The following CAMKMT variants were observed in gnomAD, a reference collection of about 807,000 sequenced individuals.
CAMKMT encodes CaM KMT.
A neutral mutation model predicts 48.0 loss-of-function variants in CAMKMT; 53 were observed. The observed-to-expected ratio is 1.10, with a 90% CI of 0.89 to 1.39. CAMKMT has a LOEUF of 1.39. Among genes scored for constraint, CAMKMT ranks in the 40% most tolerant of loss-of-function variants. CAMKMT has a pLI of 0.00. For synonymous variants in CAMKMT, 165 were observed against 152.3 expected, an observed-to-expected ratio of 1.08 and a Z score of -0.61; for missense variants, 428 against 402.7, an observed-to-expected ratio of 1.06 and a Z score of -0.54.
intron 3 of CAMKMT, among the ~76,000 whole-genome samples, chr2:44,480,770 A>G (rs1425741543): frequency 8.5e-6 from 1 of 117,834 alleles, no homozygotes; most frequent in East Asian, 1.9e-4. Context: ...TCAATTAGGT[A>G]CATTTGTAAA....
At chr2:44,767,572 G>C (rs376707015) in intron 10 of CAMKMT, among the ~76,000 whole-genome samples, 96 of 152,262 alleles carry the variant, frequency 6.3e-4, no homozygotes, top group East Asian at 4.4e-3. Flanking sequence ...GTTCCATTTA[G>C]CCTCTGGGGG....
intron 3 of CAMKMT, among the ~76,000 whole-genome samples, chr2:44,424,142 T>C (rs1289966960): frequency 2.6e-5 from 4 of 152,222 alleles, no homozygotes; most frequent in Non-Finnish European, 5.9e-5. Context: ...TTTGCTATTA[T>C]ATTTCCTTTC....
chr2:44,498,448 A>G (rs1669859147), intron 3 of CAMKMT, among the ~76,000 whole-genome samples: 1 of 152,232 alleles, frequency 6.6e-6, no homozygotes, highest in African/African-American at 2.4e-5. Context: ...ATCAACACAC[A>G]TATACATTCT....
At chr2:44,644,267 G>A (rs1673611557) in intron 3 of CAMKMT, among the ~76,000 whole-genome samples, 2 of 152,268 alleles carry the variant, frequency 1.3e-5, no homozygotes, top group South Asian at 4.1e-4. Context: ...GGAATTTTGT[G>A]TAAAATGTAC....
chr2:44,624,465 T>C (rs1672367349), intron 3 of CAMKMT, among the ~76,000 whole-genome samples: 1 of 152,188 alleles, frequency 6.6e-6, no homozygotes, highest in East Asian at 1.9e-4. Flanking sequence ...CTCCTAATGC[T>C]GTCCCTCCCC....
intron 3 of CAMKMT, among the ~76,000 whole-genome samples, chr2:44,478,763 C>G (rs902341754): frequency 4.0e-5 from 6 of 149,608 alleles, no homozygotes; most frequent in African/African-American, 1.5e-4. Context: ...TGCAGTGGCA[C>G]GATCTCGGCT....
intron 3 of CAMKMT, among the ~76,000 whole-genome samples, chr2:44,594,793 A>G (rs1489578829): frequency 6.6e-6 from 1 of 152,226 alleles, no homozygotes; most frequent in Admixed American, 6.5e-5. Flanking sequence ...AATGGCAACA[A>G]AATCCAAAAT....
chr2:44,491,766 C>T (rs1385550669), intron 3 of CAMKMT, among the ~76,000 whole-genome samples: 1 of 152,116 alleles, frequency 6.6e-6, no homozygotes, highest in South Asian at 2.1e-4. Context: ...CTATTGCACC[C>T]CCTTAACCAG....
intron 3 of CAMKMT, among the ~76,000 whole-genome samples, chr2:44,581,439 C>A (rs1669557131): frequency 6.6e-6 from 1 of 152,180 alleles, no homozygotes; most frequent in Admixed American, 6.5e-5. Flanking sequence ...TTATATTCTA[C>A]TGCTCTGTCT....
chr2:44,454,301 G>C (rs1667446972), intron 3 of CAMKMT, among the ~76,000 whole-genome samples: 2 of 152,094 alleles, frequency 1.3e-5, no homozygotes, highest in African/African-American at 4.8e-5. Context: ...GTTCAACGTT[G>C]TGCATTGTGT....
At chr2:44,483,222 T>A (rs1305622974) in intron 3 of CAMKMT, among the ~76,000 whole-genome samples, 3 of 152,178 alleles carry the variant, frequency 2.0e-5, no homozygotes, top group Admixed American at 1.3e-4. Flanking sequence ...AATGTGAAAT[T>A]TAGCTGCCTT....
Position 44,361,961 on chromosome 2 carries a change from G to T in CAMKMT, c.-47G>T. On this transcript the variant is annotated 5_prime_UTR_variant, in exon 1 of 11. Coordinates refer to ENST00000378494, the MANE Select transcript of CAMKMT (RefSeq NM_024766.5). The stretch of plus-strand genomic sequence containing the variant: ...AAGAAGTTGGCAGGTCCTGGCAGGG[G>T]ACGAGCTGCGGCGGTGGCACCTCCG... The T allele has an allele frequency of 2.2e-6, 3 of 1,362,330 alleles. No individual in the cohort carries two copies. Among genetic ancestry groups the T allele is most frequent in the East Asian group, 6.2e-5 (2 of 32,234 alleles). 84.4% of individuals were successfully genotyped at this position (1,362,330 alleles called of 1,614,324 possible).
chr2:44,411,664 A>G (rs1231903713), intron 3 of CAMKMT, among the ~76,000 whole-genome samples: 1 of 152,148 alleles, frequency 6.6e-6, no homozygotes, highest in African/African-American at 2.4e-5. Context: ...ACTGCCTTGG[A>G]CAATGTAACA....
chr2:44,632,645 A>G (rs1369811812), intron 3 of CAMKMT, among the ~76,000 whole-genome samples: 4 of 152,208 alleles, frequency 2.6e-5, no homozygotes, highest in Non-Finnish European at 2.9e-5. Context: ...CAAAGTATTG[A>G]TCCTGGGTGC....
Position 44,516,739 on chromosome 2 carries a change from A to ATT in CAMKMT, c.376+126453_376+126454dup, listed in dbSNP as rs749089273. Among the ~76,000 whole-genome samples, 201 of 133,078 alleles carry ATT rather than the reference A, an allele frequency of 1.5e-3. 1 individual carries two copies. The highest frequency in any genetic ancestry group is 4.3e-3 in the African/African-American group (146 of 34,288). The allele number at this position is 133,078 out of a possible 152,430, so 87.3% of individuals were successfully genotyped here. A position where few individuals can be genotyped will look rare whatever the true frequency, so the allele number is the denominator to read the frequency against. ...TTTCTAATTAAGGATGTTTCTTGAGATTTTTTTTTTTTTTTTTTTTGAGAC... is the reference window on the plus strand; with the variant it reads ...TTTCTAATTAAGGATGTTTCTTGAGATTTTTTTTTTTTTTTTTTTTTTGAGAC... On this transcript the variant is annotated intron_variant, in intron 3 of 10. Transcript: ENST00000378494.
chr2:44,615,401 T>C (rs1290144631), intron 3 of CAMKMT, among the ~76,000 whole-genome samples: 3 of 152,142 alleles, frequency 2.0e-5, no homozygotes, highest in Non-Finnish European at 4.4e-5. Flanking sequence ...ATTACGGCTA[T>C]GGCCAGGGGA....
chr2:44,744,734 A>G (rs897129378), intron 8 of CAMKMT, among the ~76,000 whole-genome samples: 1 of 152,032 alleles, frequency 6.6e-6, no homozygotes, highest in African/African-American at 2.4e-5. Context: ...TTTTAATAAG[A>G]TTTTCAATGG....
chr2:44,757,120 C>T (rs972269242), intron 9 of CAMKMT, among the ~76,000 whole-genome samples: 1 of 152,180 alleles, frequency 6.6e-6, no homozygotes, highest in Non-Finnish European at 1.5e-5. Flanking sequence ...AGGAGGTGCT[C>T]CTTAAGGGGA....
At chr2:44,580,284 G>GT (rs1669482769) in intron 3 of CAMKMT, among the ~76,000 whole-genome samples, 1 of 64,828 alleles carries the variant, frequency 1.5e-5, no homozygotes, top group South Asian at 6.0e-4. Flanking sequence ...AAAATAAAGT[G>GT]TGCTGAATTA....
Sources: gnomAD v4.1 joint callset for allele counts (sites outside exome capture counted in the v4.1 genomes callset) on GRCh38, gnomAD v4.1.1 for gene constraint, MANE v1.5 for transcripts, NCBI Gene and HGNC (gene_info 2026-07-23, HGNC 2026-07-21) for gene names.